The following ZNF644 variants were observed in gnomAD, a reference collection of about 807,000 sequenced individuals.
ZNF644 encodes zinc finger motif enhancer binding protein 2.
Under a neutral mutation model 108.0 loss-of-function variants are expected in ZNF644, and 20 were observed. The observed-to-expected ratio is 0.19, with a 90% CI of 0.13 to 0.27. The LOEUF is 0.27. ZNF644 is among the 10% of genes least tolerant of loss of function. ZNF644 has a pLI of 1.00. For missense variants in ZNF644, 1,338 were observed against 1,548.9 expected (o/e 0.86, Z 2.29); for synonymous variants, 542 against 539.1 (o/e 1.01, Z -0.08).
chr1:90,953,896 G>C (rs1363301277), intron 2 of ZNF644, among the ~76,000 whole-genome samples: 1 of 152,120 alleles, frequency 6.6e-6, no homozygotes, highest in Non-Finnish European at 1.5e-5. Flanking sequence ...CCTGGTGACA[G>C]AGCGAGACTC....
At chr1:90,990,841 C>T (rs1038622464) in intron 1 of ZNF644, among the ~76,000 whole-genome samples, 10 of 152,042 alleles carry the variant, frequency 6.6e-5, no homozygotes, top group African/African-American at 2.4e-4. Context: ...AGGAGTCTTG[C>T]CTCAGTGGGA....
chr1:90,916,297 AAC>A lies in ZNF644; in HGVS notation c.*499_*500del, dbSNP rs1340499445. Reference sequence around the variant, plus strand: ...AATAGTACTCTGCCCTATTTGAGTGAACAGTCTCAAACTATGAAGTACATGAT... The same window carrying A: ...AATAGTACTCTGCCCTATTTGAGTGAAGTCTCAAACTATGAAGTACATGAT... On this transcript the variant is annotated 3_prime_UTR_variant, in exon 6 of 6. Coordinates refer to ENST00000337393, the MANE Select transcript of ZNF644 (RefSeq NM_201269.3). 6.2e-6 allele frequency: 1 copy of A among 161,600 alleles called. No individual in the cohort carries two copies. Among genetic ancestry groups the A allele is most frequent in the Non-Finnish European group, 1.4e-5 (1 of 73,450 alleles). The allele number at this position is 161,600 out of a possible 1,614,324, so 10.0% of individuals were successfully genotyped here. A position where few individuals can be genotyped will look rare whatever the true frequency, so the allele number is the denominator to read the frequency against.
rs192865261 is a variant in ZNF644, at chr1:90,974,808, T to C, written c.44+7502A>G. Among the ~76,000 whole-genome samples the C allele has an allele frequency of 1.8e-3, 277 of 152,328 alleles. 1 individual carries two copies. Among genetic ancestry groups the C allele is most frequent in the Middle Eastern group, 6.8e-3 (2 of 294 alleles). ...TGCTAAAACAGATAGAATAAAGTCA[T>C]TTCCTCACATTTAAACTCCTTCAAT... On this transcript the variant is annotated intron_variant, in intron 2 of 5. Transcript: ENST00000337393.
In ZNF644 at chr1:90,937,976, T is replaced by C; in HGVS notation, c.3197A>G (p.Lys1066Arg). The change falls in exon 4 of 6, where the codon AAG becomes AGG. Residue 1066 changes from lysine to arginine, a missense_variant. Lys to Arg is a conservative substitution (Grantham distance 26, BLOSUM62 2). Around this residue, in one of 6 missense-constraint regions of ZNF644, gnomAD observed 287 missense variants for 310.9 expected, o/e 0.92. Transcript: ENST00000337393. ...AGATTTGTGAGCATCCCATTTCGTC[T>C]TTCCAAGTCTTTTCAAGTGGCCTCT... ...HVRGHLKRLG[K>R]TKWDAHKSPI... 1 of 1,612,538 alleles carries C rather than the reference T, an allele frequency of 6.2e-7. No homozygotes were observed.
rs1206316960 is a variant in ZNF644, at chr1:90,939,225, G to T, written c.2129C>A (p.Thr710Lys). The change falls in exon 3 of 6, where the codon ACA becomes AAA. Residue 710 changes from threonine to lysine, a missense_variant. Thr to Lys is a moderately conservative substitution (Grantham distance 78). Coordinates refer to ENST00000337393, the MANE Select transcript of ZNF644 (RefSeq NM_201269.3). ...NQNSSPHKNVTIKSSVDQKPK... is the reference protein window; with the variant it reads ...NQNSSPHKNVKIKSSVDQKPK... Reference sequence around the variant, plus strand: ...TTTTTGGTCAACGCTGCTTTTAATTGTAACATTCTTATGAGGAGAGCTGTT... The same window carrying T: ...TTTTTGGTCAACGCTGCTTTTAATTTTAACATTCTTATGAGGAGAGCTGTT... 1.9e-6 allele frequency: 3 copies of T among 1,613,974 alleles called. No homozygotes were observed. Among genetic ancestry groups the T allele is most frequent in the Admixed American group, 1.7e-5 (1 of 60,004 alleles).
chr1:90,949,048 T>C (rs1652814495), intron 2 of ZNF644, among the ~76,000 whole-genome samples: 1 of 152,118 alleles, frequency 6.6e-6, no homozygotes, highest in Admixed American at 6.5e-5. Flanking sequence ...GATTGAATTA[T>C]TTCACTGATT....
chr1:90,958,143 C>T (rs1255399420), intron 2 of ZNF644, among the ~76,000 whole-genome samples: 3 of 149,836 alleles, frequency 2.0e-5, no homozygotes, highest in African/African-American at 7.4e-5. Context: ...TAGTGGGCAC[C>T]TGTAATCCCA....
intron 1 of ZNF644, among the ~76,000 whole-genome samples, chr1:90,999,050 A>G (rs371180783): frequency 6.6e-6 from 1 of 152,358 alleles, no homozygotes; most frequent in East Asian, 1.9e-4. Context: ...ATGTGAAAAG[A>G]CCAAATCTAC....
intron 1 of ZNF644, among the ~76,000 whole-genome samples, chr1:91,012,443 A>G (rs1479530413): frequency 9.2e-5 from 14 of 151,928 alleles, no homozygotes; most frequent in Admixed American, 9.2e-4. Flanking sequence ...GCGCCAATGC[A>G]CTCCAGCTAG....
intron 5 of ZNF644, 82 bp downstream of exon 5, chr1:90,917,970 T>C: frequency 8.2e-7 from 1 of 1,225,610 alleles, no homozygotes; most frequent in Admixed American, 1.7e-5. Context: ...TGCCACAAAT[T>C]AAAAATCCCA....
intron 2 of ZNF644, among the ~76,000 whole-genome samples, chr1:90,945,938 C>T (rs933764734): frequency 5.3e-5 from 8 of 151,994 alleles, no homozygotes; most frequent in African/African-American, 1.9e-4. Context: ...CTATATTACA[C>T]AGCTATAAAT....
chr1:90,917,099 G>A (rs1460954938), intron 5 of ZNF644, 109 bp from the exon 6 acceptor site: 2 of 1,137,892 alleles, frequency 1.8e-6, no homozygotes, highest in African/African-American at 3.1e-5. Flanking sequence ...TTTAAAGACA[G>A]CAATTGATAA....
chr1:91,013,453 A>T (rs12144558), intron 1 of ZNF644, among the ~76,000 whole-genome samples: 2,336 of 20,818 alleles, frequency 0.11, 40 homozygotes, highest in African/African-American at 0.17. Flanking sequence ...TCTCTCTCTC[A>T]CACACACACA....
In ZNF644 at chr1:90,937,558, T is replaced by A. The variant is rs899576182; in HGVS notation, c.3615A>T (p.Lys1205Asn). 3 of 1,613,786 alleles carry A rather than the reference T, an allele frequency of 1.9e-6. No homozygotes were observed. Among genetic ancestry groups the A allele is most frequent in the Non-Finnish European group, 2.5e-6 (3 of 1,179,810 alleles). ...TATCCTCATTTAATGGAAGAACGCA[T>A]TTCTGAACGAATCTCTTTCTTGCTG... The part of the protein sequence containing the change: ...NQTARKRFVQ[K>N]CVLPLNEDSP... Residue 1205 changes from lysine (K) to asparagine (N), a missense_variant, in exon 4 of 6, where the codon AAA (lysine) becomes AAT (asparagine). This residue lies in a region of ZNF644 where 287 missense variants were observed against 310.9 expected (regional missense o/e 0.92). Coordinates refer to ENST00000337393, the MANE Select transcript of ZNF644 (RefSeq NM_201269.3).
At chr1:90,978,401 A>G (rs1016082008) in intron 2 of ZNF644, among the ~76,000 whole-genome samples, 2 of 152,088 alleles carry the variant, frequency 1.3e-5, no homozygotes, top group Middle Eastern at 3.2e-3. Flanking sequence ...TTACTTGGCA[A>G]TACAGCTGGA....
intron 2 of ZNF644, among the ~76,000 whole-genome samples, chr1:90,950,137 G>A (rs760101628): frequency 2.0e-5 from 3 of 150,580 alleles, no homozygotes; most frequent in Non-Finnish European, 4.4e-5. Context: ...AATTCGCAGG[G>A]TGTGGTGCCA....
intron 4 of ZNF644, among the ~76,000 whole-genome samples, chr1:90,930,407 C>T (rs1345167913): frequency 1.3e-5 from 2 of 152,062 alleles, no homozygotes; most frequent in African/African-American, 4.8e-5. Flanking sequence ...CTTTAAGTCC[C>T]AGAGGTTAGC....
intron 1 of ZNF644, among the ~76,000 whole-genome samples, chr1:90,992,612 C>T (rs1192022501): frequency 6.6e-6 from 1 of 152,122 alleles, no homozygotes; most frequent in East Asian, 1.9e-4. Flanking sequence ...ACAATTCTTA[C>T]TGAAATATGA....
At chr1:90,992,655 T>C (rs1423087049) in intron 1 of ZNF644, among the ~76,000 whole-genome samples, 1 of 152,208 alleles carries the variant, frequency 6.6e-6, no homozygotes, top group East Asian at 1.9e-4. Context: ...TTAATCTAAT[T>C]TTACCAACTG....
Sources: allele counts gnomAD v4.1 joint callset (sites outside exome capture counted in the v4.1 genomes callset), GRCh38; gene constraint gnomAD v4.1.1; regional missense constraint gnomAD v4.1.1; transcripts MANE v1.5; gene names NCBI Gene and HGNC (gene_info 2026-07-23, HGNC 2026-07-21).